IPCEF1: variants seen among roughly 807,000 people sequenced by gnomAD.
IPCEF1 encodes interaction protein for cytohesin exchange factors 1.
A neutral mutation model predicts 50.9 loss-of-function variants in IPCEF1; 31 were observed. The ratio of observed to expected loss-of-function variants is 0.61; its 90% CI spans 0.46 to 0.82. IPCEF1 has a LOEUF of 0.82. Ranked by LOEUF, IPCEF1 falls within the 40% of genes least tolerant of loss-of-function variation. The pLI is 0.00. For synonymous variants in IPCEF1, 181 were observed against 192.0 expected (o/e 0.94, Z 0.47); for missense variants, 458 against 514.0 (o/e 0.89, Z 1.05).
chr6:154,289,630 T>C (rs1465876384), intron 2 of IPCEF1, 83 bp downstream of exon 2: 1 of 152,046 alleles, frequency 6.6e-6, no homozygotes, highest in African/African-American at 2.4e-5. Context: ...CAAACTAGAA[T>C]AACAAAGTGA....
chr6:154,193,953 C>T (rs1258087642), intron 10 of IPCEF1, among the ~76,000 whole-genome samples: 2 of 111,934 alleles, frequency 1.8e-5, no homozygotes, highest in Non-Finnish European at 4.0e-5. Context: ...ACATAACAGA[C>T]TTCAAAGACT....
At chr6:154,236,522 C>A (rs1385298054) in intron 5 of IPCEF1, among the ~76,000 whole-genome samples, 1 of 152,090 alleles carries the variant, frequency 6.6e-6, no homozygotes, top group Non-Finnish European at 1.5e-5. Flanking sequence ...CTCAACTGTA[C>A]CCTTAAAAAT....
At chr6:154,251,660 A>C (rs947389604) in intron 3 of IPCEF1, among the ~76,000 whole-genome samples, 2 of 152,238 alleles carry the variant, frequency 1.3e-5, no homozygotes, top group African/African-American at 4.8e-5. Flanking sequence ...GTAAACTGTT[A>C]GGATATTTGT....
At chr6:154,198,274 C>T (rs1172014827) in intron 10 of IPCEF1, among the ~76,000 whole-genome samples, 2 of 152,170 alleles carry the variant, frequency 1.3e-5, no homozygotes, top group African/African-American at 4.8e-5. Context: ...AAGCTCAATA[C>T]TTTCACCAAA....
At chr6:154,213,266 G>C (rs1778113462) in intron 8 of IPCEF1, 1 of 191,172 alleles carries the variant, frequency 5.2e-6, no homozygotes, top group Non-Finnish European at 1.1e-5. Flanking sequence ...CTCTGGCTGA[G>C]GGAGCAGGCT....
intron 1 of IPCEF1, among the ~76,000 whole-genome samples, chr6:154,324,033 G>C (rs1783458783): frequency 6.6e-6 from 1 of 152,206 alleles, no homozygotes; most frequent in African/African-American, 2.4e-5. Flanking sequence ...TAAGTGATGG[G>C]TACAGTGGGA....
chr6:154,182,075 A>T (rs768976893), intron 10 of IPCEF1, among the ~76,000 whole-genome samples: 30 of 152,198 alleles, frequency 2.0e-4, no homozygotes, highest in Non-Finnish European at 4.4e-4. Flanking sequence ...TTTAAAAAAG[A>T]TCACAGGTAA....
At chr6:154,321,779 A>T (rs13220453) in intron 1 of IPCEF1, among the ~76,000 whole-genome samples, 3 of 67,160 alleles carry the variant, frequency 4.5e-5, no homozygotes, top group African/African-American at 8.5e-5. Context: ...GACTCTTTCT[A>T]AAAAAAAAAA....
chr6:154,172,860 G>C (rs1272040449), intron 10 of IPCEF1, among the ~76,000 whole-genome samples: 1 of 152,250 alleles, frequency 6.6e-6, no homozygotes, highest in African/African-American at 2.4e-5. Flanking sequence ...ACTTCCTCAA[G>C]TGGGTCCCTG....
chr6:154,343,214 A>G (rs1562296681), intron 1 of IPCEF1, among the ~76,000 whole-genome samples: 1 of 152,152 alleles, frequency 6.6e-6, no homozygotes, highest in East Asian at 1.9e-4. Context: ...CAATTCATTG[A>G]GCCCTTTCCC....
At chr6:154,231,977 T>G (rs1279859939) in intron 5 of IPCEF1, among the ~76,000 whole-genome samples, 1 of 152,220 alleles carries the variant, frequency 6.6e-6, no homozygotes. Flanking sequence ...CTATACGTAT[T>G]TCATGGCAAA....
intron 1 of IPCEF1, among the ~76,000 whole-genome samples, chr6:154,328,101 T>A (rs1297276697): frequency 6.6e-6 from 1 of 152,118 alleles, no homozygotes; most frequent in African/African-American, 2.4e-5. Context: ...TCAGGAAGAC[T>A]AGCTAATGGA....
intron 1 of IPCEF1, among the ~76,000 whole-genome samples, chr6:154,336,783 T>G (rs1783796254): frequency 6.6e-6 from 1 of 151,994 alleles, no homozygotes; most frequent in Admixed American, 6.6e-5. Context: ...TTTTAAAAAT[T>G]TTTTGTTGAG....
At chr6:154,185,351 C>A (rs1801245070) in intron 10 of IPCEF1, among the ~76,000 whole-genome samples, 1 of 152,244 alleles carries the variant, frequency 6.6e-6, no homozygotes, top group Non-Finnish European at 1.5e-5. Flanking sequence ...CACAATGTAC[C>A]TTTCAAATAT....
At chr6:154,223,289 G>T in intron 5 of IPCEF1, 46 bp from the exon 6 acceptor site, 1 of 1,366,486 alleles carries the variant, frequency 7.3e-7, no homozygotes, top group Non-Finnish European at 1.0e-6. Context: ...CATCAATCCT[G>T]GGGATTAGTG....
rs528510994 is a variant in IPCEF1 at position 154,314,465 on chromosome 6, A to T, written c.-61-24709T>A. Among the ~76,000 whole-genome samples, 220 of 152,318 alleles carry T rather than the reference A, an allele frequency of 1.4e-3. 1 individual carries two copies. Among genetic ancestry groups the T allele is most frequent in the African/African-American group, 5.1e-3 (212 of 41,586 alleles). On this transcript the variant is annotated intron_variant, in intron 1 of 11. Transcript: ENST00000367220. The stretch of plus-strand genomic sequence containing the variant: ...TTATATTACCAACAAAGATACTAAG[A>T]AAAAACTAGTGAAAATCAGGTCTAT...
At chr6:154,244,974 C>A (rs1490247952) in intron 5 of IPCEF1, among the ~76,000 whole-genome samples, 2 of 152,066 alleles carry the variant, frequency 1.3e-5, no homozygotes, top group Admixed American at 1.3e-4. Flanking sequence ...CTATCGCTTG[C>A]CACAACTACC....
chr6:154,158,902 GT>G lies in IPCEF1; in HGVS notation c.*925del, dbSNP rs1798818206. On this transcript the variant is annotated 3_prime_UTR_variant, in exon 12 of 12. Transcript: ENST00000367220. ...TTTAACTCTTTTGTTGCTTCCATGG[GT>G]TTTTGTTTTTTTGTTTTTTTGAGTA... 1 of 152,106 alleles carries G rather than the reference GT, an allele frequency of 6.6e-6. No homozygotes were observed. Among genetic ancestry groups the G allele is most frequent in the South Asian group, 2.1e-4 (1 of 4,814 alleles). 9.4% of individuals were successfully genotyped at this position (152,106 alleles called of 1,614,324 possible). A position where few individuals can be genotyped will look rare whatever the true frequency, so the allele number is the denominator to read the frequency against.
At chr6:154,275,037 A>AC (rs1293673006) in intron 2 of IPCEF1, among the ~76,000 whole-genome samples, 1 of 151,832 alleles carries the variant, frequency 6.6e-6, no homozygotes, top group Non-Finnish European at 1.5e-5. Flanking sequence ...ATTTTCACCT[A>AC]CCCCTCAAAG....
Sources: gnomAD v4.1 joint callset for allele counts (sites outside exome capture counted in the v4.1 genomes callset) on GRCh38, gnomAD v4.1.1 for gene constraint, MANE v1.5 for transcripts, NCBI Gene and HGNC (gene_info 2026-07-23, HGNC 2026-07-21) for gene names.